KCTD1: variants seen among roughly 807,000 people sequenced by gnomAD.
The protein encoded by KCTD1 is potassium channel tetramerization domain containing 1, also known as BTB/POZ domain-containing protein KCTD1.
KCTD1 carries 24 observed loss-of-function variants against 66.0 expected under a neutral mutation model. The ratio of observed to expected loss-of-function variants is 0.36; its 90% CI spans 0.26 to 0.51. The LOEUF (loss-of-function observed/expected upper bound fraction) is 0.51. KCTD1 is among the 20% of genes least tolerant of loss of function. The pLI, the probability that KCTD1 is intolerant of heterozygous loss-of-function variation, is 0.95. For synonymous variants in KCTD1, 511 were observed against 517.2 expected, an observed-to-expected ratio of 0.99 and a Z score of 0.16; for missense variants, 943 against 1,205.2, an observed-to-expected ratio of 0.78 and a Z score of 3.22.
intron 1 of KCTD1, among the ~76,000 whole-genome samples, chr18:26,514,131 C>T (rs1260891582): frequency 6.6e-6 from 1 of 152,080 alleles, no homozygotes; most frequent in African/African-American, 2.4e-5. Context: ...CCCTGTAGAA[C>T]AGAGAAAAAA....
upstream of KCTD1, among the ~76,000 whole-genome samples, chr18:26,640,831 A>G (rs1987818912): frequency 6.6e-6 from 1 of 152,162 alleles, no homozygotes; most frequent in African/African-American, 2.4e-5. Context: ...GTCAAGGAAC[A>G]TGAGGTTCCC....
intron 1 of KCTD1, among the ~76,000 whole-genome samples, chr18:26,503,064 C>T (rs556404292): frequency 7.9e-5 from 12 of 152,250 alleles, no homozygotes; most frequent in Non-Finnish European, 1.3e-4. Flanking sequence ...TGGGCCTTTA[C>T]GCAAAATGTT....
intron 1 of KCTD1, among the ~76,000 whole-genome samples, chr18:26,626,268 C>T (rs1384326866): frequency 6.6e-6 from 1 of 152,136 alleles, no homozygotes; most frequent in Admixed American, 6.5e-5. Flanking sequence ...AGCACTGTTC[C>T]AGAAAAGTCC....
Position 26,548,077 on chromosome 18 carries a change from C to T in KCTD1, c.460G>A (p.Glu154Lys). Residue 154 changes from glutamate (E) to lysine (K), a missense_variant, in exon 1 of 5, where the codon GAG (glutamate) becomes AAG (lysine). Transcript: ENST00000580059. ...ARGGPPGDGS[E>K]LDPDVLQRPE... ...CGCTGCAGCACGTCGGGGTCCAGCT[C>T]GGAGCCGTCCCCGGGCGGCCCACCG... is the stretch of plus-strand genomic sequence containing the variant. 1 of 1,406,348 alleles carries T rather than the reference C, an allele frequency of 7.1e-7. No individual in the cohort carries two copies. The highest frequency in any genetic ancestry group is 9.2e-7 in the Non-Finnish European group (1 of 1,088,242). 87.1% of individuals were successfully genotyped at this position (1,406,348 alleles called of 1,614,324 possible).
At chr18:26,460,201 C>T (rs1980344111) in intron 3 of KCTD1, among the ~76,000 whole-genome samples, 2 of 152,146 alleles carry the variant, frequency 1.3e-5, no homozygotes, top group Admixed American at 1.3e-4. Context: ...CGTCAATGCC[C>T]AGTGAATTAG....
At chr18:26,535,114 T>TGG (rs1984633313) in intron 1 of KCTD1, among the ~76,000 whole-genome samples, 4 of 110,820 alleles carry the variant, frequency 3.6e-5, no homozygotes, top group Non-Finnish European at 7.3e-5. Flanking sequence ...GGTTGGGGGG[T>TGG]GGGGGTGGAG....
chr18:26,512,999 A>T (rs1056063375), intron 1 of KCTD1, among the ~76,000 whole-genome samples: 1 of 151,978 alleles, frequency 6.6e-6, no homozygotes, highest in Non-Finnish European at 1.5e-5. Flanking sequence ...TTTTTTTTTC[A>T]ATCAAATTAT....
chr18:26,527,533 G>C (rs969345843), intron 1 of KCTD1, among the ~76,000 whole-genome samples: 1 of 151,056 alleles, frequency 6.6e-6, no homozygotes, highest in African/African-American at 2.4e-5. Context: ...GGAACATAGA[G>C]GACTTTTAGG....
intron 2 of KCTD1, among the ~76,000 whole-genome samples, chr18:26,500,755 A>G (rs192927216): frequency 3.5e-4 from 54 of 152,350 alleles, no homozygotes; most frequent in Admixed American, 3.3e-3. Context: ...GGAAGGAACA[A>G]AGGTGTTGGG....
At chr18:26,546,449 G>T (rs994481272) in intron 1 of KCTD1, among the ~76,000 whole-genome samples, 4 of 152,216 alleles carry the variant, frequency 2.6e-5, no homozygotes, top group Non-Finnish European at 4.4e-5. Flanking sequence ...GGCTGCAAGA[G>T]TGAGCTAATC....
chr18:26,487,111 T>G (rs1270150599), intron 2 of KCTD1, among the ~76,000 whole-genome samples: 2 of 152,086 alleles, frequency 1.3e-5, no homozygotes, highest in Non-Finnish European at 2.9e-5. Flanking sequence ...ACACACGACT[T>G]CATTGATGGT....
intron 3 of KCTD1, among the ~76,000 whole-genome samples, chr18:26,464,777 C>T (rs1030294377): frequency 6.6e-6 from 1 of 152,224 alleles, no homozygotes; most frequent in Non-Finnish European, 1.5e-5. Flanking sequence ...CAGTGGGATC[C>T]TGCTCTTGGG....
intron 1 of KCTD1, among the ~76,000 whole-genome samples, chr18:26,520,360 T>C (rs1019829241): frequency 6.6e-6 from 1 of 152,196 alleles, no homozygotes; most frequent in Non-Finnish European, 1.5e-5. Context: ...AGTCAGACGA[T>C]AGCCCCCTAA....
chr18:26,619,252 C>T (rs1385482677), intron 1 of KCTD1, among the ~76,000 whole-genome samples: 2 of 152,208 alleles, frequency 1.3e-5, no homozygotes, highest in Non-Finnish European at 2.9e-5. Flanking sequence ...CTTCCTGCTA[C>T]AGTGTGTCTT....
intron 1 of KCTD1, among the ~76,000 whole-genome samples, chr18:26,504,641 G>A (rs1278752244): frequency 1.3e-5 from 2 of 152,110 alleles, no homozygotes; most frequent in Non-Finnish European, 1.5e-5. Context: ...CCAAGTCACT[G>A]GGATTACAGG....
At chr18:26,460,022 G>A in intron 3 of KCTD1, 97 bp from the exon 4 acceptor site, 1 of 911,564 alleles carries the variant, frequency 1.1e-6, no homozygotes, top group Non-Finnish European at 1.7e-6. Context: ...TTCTTGTTAT[G>A]TCACTAATCA....
intron 1 of KCTD1, among the ~76,000 whole-genome samples, chr18:26,581,897 A>G (rs1426988155): frequency 6.6e-6 from 1 of 152,186 alleles, no homozygotes; most frequent in Non-Finnish European, 1.5e-5. Flanking sequence ...TAGCCATGAT[A>G]AACTTCAAGA....
chr18:26,471,094 G>T (rs766698631), intron 3 of KCTD1, among the ~76,000 whole-genome samples: 1 of 152,100 alleles, frequency 6.6e-6, no homozygotes, highest in South Asian at 2.1e-4. Context: ...CTGGGAGGAC[G>T]TGCAGGTCTC....
intron 3 of KCTD1, among the ~76,000 whole-genome samples, chr18:26,467,905 A>G (rs541333230): frequency 6.6e-6 from 1 of 152,370 alleles, no homozygotes; most frequent in East Asian, 1.9e-4. Context: ...GCTGCCTGCC[A>G]GCAAGTTTGT....
Sources: allele counts gnomAD v4.1 joint callset (sites outside exome capture counted in the v4.1 genomes callset), GRCh38; gene constraint gnomAD v4.1.1; transcripts MANE v1.5; gene names NCBI Gene and HGNC (gene_info 2026-07-23, HGNC 2026-07-21).